SLC9A9: variants seen among roughly 807,000 people sequenced by gnomAD.
The protein encoded by SLC9A9 is sodium/hydrogen exchanger 9.
SLC9A9 carries 62 observed loss-of-function variants against 77.8 expected under a neutral mutation model. The observed-to-expected ratio is 0.80, with a 90% confidence interval of 0.65 to 0.98. The LOEUF (loss-of-function observed/expected upper bound fraction) is 0.98, where lower values mean the gene tolerates loss of function less well. Among genes scored for constraint, SLC9A9 ranks in the 50% least tolerant of loss-of-function variants. SLC9A9 has a pLI of 0.00. For synonymous variants in SLC9A9, 320 were observed against 283.5 expected, an observed-to-expected ratio of 1.13 and a Z score of -1.29; for missense variants, 775 against 774.9, an observed-to-expected ratio of 1.00 and a Z score of 0.00.
chr3:143,460,638 A>G (rs931714888), intron 12 of SLC9A9, among the ~76,000 whole-genome samples: 1 of 152,158 alleles, frequency 6.6e-6, no homozygotes. Flanking sequence ...GACTAAGAAC[A>G]TGGCTTGTGG....
At chr3:143,515,146 G>C (rs1436371947) in intron 9 of SLC9A9, among the ~76,000 whole-genome samples, 1 of 152,144 alleles carries the variant, frequency 6.6e-6, no homozygotes, top group Non-Finnish European at 1.5e-5. Context: ...AGAGAGATGG[G>C]GGAATGACCA....
At chr3:143,569,466 C>T (rs1020771325) in intron 8 of SLC9A9, among the ~76,000 whole-genome samples, 2 of 152,058 alleles carry the variant, frequency 1.3e-5, no homozygotes, top group African/African-American at 4.8e-5. Flanking sequence ...CGCTACTATA[C>T]CCCACACCTC....
At chr3:143,494,563 T>C (rs2035801906) in intron 10 of SLC9A9, among the ~76,000 whole-genome samples, 1 of 152,266 alleles carries the variant, frequency 6.6e-6, no homozygotes, top group Non-Finnish European at 1.5e-5. Context: ...GGATTGCCTC[T>C]GCTGGCTGTT....
intron 10 of SLC9A9, among the ~76,000 whole-genome samples, chr3:143,495,119 T>C (rs1425519628): frequency 6.6e-6 from 1 of 152,226 alleles, no homozygotes; most frequent in Non-Finnish European, 1.5e-5. Flanking sequence ...TCCACAGTTC[T>C]TTCCAAAGTT....
At chr3:143,677,276 G>T (rs542555708) in intron 5 of SLC9A9, among the ~76,000 whole-genome samples, 18 of 151,754 alleles carry the variant, frequency 1.2e-4, no homozygotes, top group African/African-American at 4.4e-4. Context: ...AATTTATAGG[G>T]GTCACCACTG....
In SLC9A9 at chr3:143,581,343, T is replaced by A. The variant is rs549438608; in HGVS notation, c.756-2620A>T. ...AGAACCTTAAGTTCCATGGTGAGAA[T>A]ATACTAAATACCTCACATTTACATA... On this transcript the variant is annotated intron_variant, in intron 6 of 15. Coordinates refer to ENST00000316549, the MANE Select transcript of SLC9A9 (RefSeq NM_173653.4). Among the ~76,000 whole-genome samples, 8 of 152,308 alleles carry A rather than the reference T, an allele frequency of 5.3e-5. No individual in the cohort carries two copies. In the South Asian group the frequency reaches 1.5e-3, roughly 28 times the overall value.
intron 2 of SLC9A9, among the ~76,000 whole-genome samples, chr3:143,798,998 A>G (rs577728475): frequency 5.7e-4 from 86 of 151,998 alleles, no homozygotes; most frequent in African/African-American, 2.0e-3. Flanking sequence ...TAATCCTTTT[A>G]TCACCTCCCC....
At chr3:143,790,293 A>G (rs2008182003) in intron 4 of SLC9A9, among the ~76,000 whole-genome samples, 1 of 152,210 alleles carries the variant, frequency 6.6e-6, no homozygotes, top group Admixed American at 6.5e-5. Flanking sequence ...TCACTGCAAC[A>G]TGAGAATGGA....
intron 2 of SLC9A9, among the ~76,000 whole-genome samples, chr3:143,798,011 CG>C (rs1420675706): frequency 6.6e-6 from 1 of 152,194 alleles, no homozygotes; most frequent in African/African-American, 2.4e-5. Context: ...CTCTTTGCTC[CG>C]TGAGAAAGAT....
chr3:143,820,215 C>T (rs1456837808), intron 2 of SLC9A9, among the ~76,000 whole-genome samples: 1 of 152,160 alleles, frequency 6.6e-6, no homozygotes, highest in Admixed American at 6.5e-5. Context: ...AGTTATATGG[C>T]TCTAGAGATT....
At chr3:143,848,003 C>T in intron 1 of SLC9A9, 145 bp downstream of exon 1, 2 of 857,974 alleles carry the variant, frequency 2.3e-6, no homozygotes, top group Non-Finnish European at 3.7e-6. Context: ...GATTAGCATT[C>T]GTTACGCTGC....
intron 9 of SLC9A9, among the ~76,000 whole-genome samples, chr3:143,551,035 G>A (rs1446277597): frequency 1.3e-5 from 2 of 152,130 alleles, no homozygotes; most frequent in Non-Finnish European, 2.9e-5. Flanking sequence ...CCAGAGTATG[G>A]TAGCCCCTAA....
At chr3:143,778,080 T>C (rs2007756606) in intron 4 of SLC9A9, among the ~76,000 whole-genome samples, 1 of 140,854 alleles carries the variant, frequency 7.1e-6, no homozygotes, top group Admixed American at 7.2e-5. Flanking sequence ...ACTTTTTCAT[T>C]ACAGGATATA....
chr3:143,543,910 G>T (rs1423576148), intron 9 of SLC9A9, among the ~76,000 whole-genome samples: 1 of 152,156 alleles, frequency 6.6e-6, no homozygotes, highest in African/African-American at 2.4e-5. Flanking sequence ...TAATGAAATT[G>T]CTGGGTCAAA....
intron 14 of SLC9A9, among the ~76,000 whole-genome samples, chr3:143,345,417 T>C (rs2032233833): frequency 6.6e-6 from 1 of 152,128 alleles, no homozygotes; most frequent in Non-Finnish European, 1.5e-5. Flanking sequence ...CAATCAACAG[T>C]ATCATATATG....
intron 6 of SLC9A9, among the ~76,000 whole-genome samples, chr3:143,611,208 AT>A (rs2038017285): frequency 6.6e-6 from 1 of 152,202 alleles, no homozygotes; most frequent in African/African-American, 2.4e-5. Flanking sequence ...TCCACAAAAT[AT>A]TTATATTGAT....
chr3:143,340,083 C>T (rs976924131), intron 14 of SLC9A9, among the ~76,000 whole-genome samples: 1 of 152,148 alleles, frequency 6.6e-6, no homozygotes, highest in Non-Finnish European at 1.5e-5. Flanking sequence ...GTTGATTAAA[C>T]TGATGTTAGA....
intron 14 of SLC9A9, among the ~76,000 whole-genome samples, chr3:143,328,805 C>T (rs543103843): frequency 1.3e-5 from 2 of 152,296 alleles, no homozygotes; most frequent in African/African-American, 4.8e-5. Context: ...TCGTTATGGA[C>T]CCCAGGGGTT....
At chr3:143,522,696 A>G (rs2036321504) in intron 9 of SLC9A9, among the ~76,000 whole-genome samples, 1 of 152,164 alleles carries the variant, frequency 6.6e-6, no homozygotes, top group Admixed American at 6.6e-5. Context: ...TCAGGAAAAC[A>G]GCCAGACCTA....
Sources: allele counts gnomAD v4.1 joint callset (sites outside exome capture counted in the v4.1 genomes callset), GRCh38; gene constraint gnomAD v4.1.1; transcripts MANE v1.5; gene names NCBI Gene and HGNC (gene_info 2026-07-23, HGNC 2026-07-21).